Variants in RAPGEF4 observed in about 807,000 individuals in gnomAD.
The protein encoded by RAPGEF4 is RAP guanine-nucleotide-exchange factor (GEF) 4.
Under a neutral mutation model 147.9 loss-of-function variants are expected in RAPGEF4, and 66 were observed. The observed-to-expected ratio is 0.45, with a 90% CI of 0.37 to 0.55. RAPGEF4 has a LOEUF of 0.55. Among genes scored for constraint, RAPGEF4 ranks in the 20% least tolerant of loss-of-function variants. RAPGEF4 has a pLI of 0.00. For missense variants in RAPGEF4, 1,071 were observed against 1,257.3 expected (o/e 0.85, Z 2.24); for synonymous variants, 419 against 442.7 (o/e 0.95, Z 0.67).
At chr2:173,002,009 A>AAAAAAAAAAAAAAAAAAAAAAAAC (rs1693980129) in intron 17 of RAPGEF4, among the ~76,000 whole-genome samples, 2 of 150,872 alleles carry the variant, frequency 1.3e-5, no homozygotes, top group Non-Finnish European at 3.0e-5. Flanking sequence ...AAAAAAAAAA[A>AAAAAAAAAAAAAAAAAAAAAAAAC]AAAAAATCCA....
intron 1 of RAPGEF4, among the ~76,000 whole-genome samples, chr2:172,772,835 C>G (rs1683765444): frequency 6.6e-6 from 1 of 152,184 alleles, no homozygotes; most frequent in Non-Finnish European, 1.5e-5. Context: ...CCTTATCAAA[C>G]TTTTGTGCTC....
At chr2:172,980,029 A>T (rs995411291) in intron 10 of RAPGEF4, among the ~76,000 whole-genome samples, 2 of 152,246 alleles carry the variant, frequency 1.3e-5, no homozygotes, top group Non-Finnish European at 2.9e-5. Context: ...CACTTAGGAA[A>T]GATGACATTG....
chr2:173,009,814 A>G (rs766528911), intron 17 of RAPGEF4, among the ~76,000 whole-genome samples: 3 of 152,172 alleles, frequency 2.0e-5, no homozygotes, highest in Admixed American at 1.3e-4. Flanking sequence ...TCAGATTATG[A>G]AGGCTGTAAT....
intron 22 of RAPGEF4, among the ~76,000 whole-genome samples, chr2:173,020,225 G>A (rs1695940378): frequency 6.6e-6 from 1 of 152,176 alleles, no homozygotes; most frequent in Non-Finnish European, 1.5e-5. Context: ...AAAATCATGT[G>A]AGGTCTCAGA....
At chr2:172,953,411 CTG>C (rs933012215) in intron 6 of RAPGEF4, among the ~76,000 whole-genome samples, 10 of 147,690 alleles carry the variant, frequency 6.8e-5, no homozygotes, top group South Asian at 2.1e-4. Context: ...TAAAAAATAA[CTG>C]TTATATATTT....
intron 1 of RAPGEF4, among the ~76,000 whole-genome samples, chr2:172,748,533 G>GC: frequency 6.6e-6 from 1 of 152,202 alleles, no homozygotes; most frequent in Non-Finnish European, 1.5e-5. Flanking sequence ...TGGGGAAGCT[G>GC]CCCCCATGAT....
intron 1 of RAPGEF4, among the ~76,000 whole-genome samples, chr2:172,777,961 T>C (rs1205331662): frequency 1.3e-5 from 2 of 152,188 alleles, no homozygotes; most frequent in African/African-American, 2.4e-5. Flanking sequence ...GTGGAAGTTC[T>C]TTCCCTTTTA....
At chr2:172,936,474 A>T (rs1302313166) in intron 6 of RAPGEF4, among the ~76,000 whole-genome samples, 1 of 152,198 alleles carries the variant, frequency 6.6e-6, no homozygotes, top group Non-Finnish European at 1.5e-5. Context: ...TTTACACTGT[A>T]TATATAGTTT....
At chr2:172,736,570 G>C (rs1026812825) in intron 1 of RAPGEF4, among the ~76,000 whole-genome samples, 1 of 152,164 alleles carries the variant, frequency 6.6e-6, no homozygotes, top group Non-Finnish European at 1.5e-5. Context: ...GCAGTCGCTC[G>C]CTCAAGGTCT....
intron 29 of RAPGEF4, among the ~76,000 whole-genome samples, chr2:173,041,114 C>T (rs532684092): frequency 6.6e-6 from 1 of 152,260 alleles, no homozygotes; most frequent in East Asian, 1.9e-4. Flanking sequence ...GAAGCTAATT[C>T]ATTAAGGAAG....
At chr2:172,938,036 A>T (rs1250847252) in intron 6 of RAPGEF4, among the ~76,000 whole-genome samples, 1 of 152,076 alleles carries the variant, frequency 6.6e-6, no homozygotes, top group East Asian at 1.9e-4. Context: ...TCTCGGCTCT[A>T]GTCCCAGAGT....
rs771568100 is a variant in RAPGEF4, at chr2:172,996,562, C to T, written c.1579+8C>T. On this transcript the variant is annotated splice_region_variant and intron_variant, in intron 16 of 30. Transcript: ENST00000397081. ...CTTTAAATGAAGCAACAGGTATACA[C>T]ATAGAACCGTTTGCATGTCCATTAA... 1 of 1,530,820 alleles carries T rather than the reference C, an allele frequency of 6.5e-7. No homozygotes were observed. The highest frequency in any genetic ancestry group is 8.8e-7 in the Non-Finnish European group (1 of 1,132,402). 94.8% of individuals were successfully genotyped at this position (1,530,820 alleles called of 1,614,324 possible).
In RAPGEF4 at chr2:172,965,627, G is replaced by A. The variant is rs578092087; in HGVS notation, c.764G>A (p.Arg255Gln). 51 of 1,614,058 alleles carry A rather than the reference G, an allele frequency of 3.2e-5. No homozygotes were observed. The highest frequency in any genetic ancestry group is 6.7e-5 in the African/African-American group (5 of 75,012). ...MMQQTPCVHS[R>Q]TQAVGMWQVL... is the part of the protein sequence containing the mutation. ...CAGCAGACACCATGTGTTCACTCCC[G>A]GACTCAAGCTGTTGGCATGTGGCAA... Residue 255 changes from arginine to glutamine, a missense_variant, in exon 9 of 31, where the codon CGG (arginine) becomes CAG (glutamine). By Grantham distance (43) the Arg-to-Gln change is conservative. Transcript: ENST00000397081.
intron 17 of RAPGEF4, among the ~76,000 whole-genome samples, chr2:173,014,009 G>A (rs1049777774): frequency 2.0e-5 from 3 of 152,154 alleles, no homozygotes; most frequent in African/African-American, 7.2e-5. Flanking sequence ...TAGATGCCCT[G>A]CTGGGCATTC....
chr2:172,783,002 C>T (rs1370335945), intron 1 of RAPGEF4, among the ~76,000 whole-genome samples: 3 of 152,190 alleles, frequency 2.0e-5, no homozygotes, highest in African/African-American at 7.2e-5. Context: ...CAAGGCTGTA[C>T]TTCGATTTCA....
At chr2:172,742,586 A>G (rs180943023) in intron 1 of RAPGEF4, among the ~76,000 whole-genome samples, 1 of 152,322 alleles carries the variant, frequency 6.6e-6, no homozygotes, top group East Asian at 1.9e-4. Context: ...TATTGTTTTT[A>G]AAGTTTAATG....
intron 20 of RAPGEF4, 50 bp downstream of exon 20, chr2:173,017,254 T>A (rs2105900967): frequency 6.4e-7 from 1 of 1,572,954 alleles, no homozygotes; most frequent in East Asian, 2.2e-5. Flanking sequence ...AGAATTACAA[T>A]TCCCCAGAAA....
At chr2:172,774,355 C>T (rs1425151089) in intron 1 of RAPGEF4, among the ~76,000 whole-genome samples, 1 of 152,212 alleles carries the variant, frequency 6.6e-6, no homozygotes, top group East Asian at 1.9e-4. Flanking sequence ...CTGTGCCTGA[C>T]TGGCTGGCAT....
At chr2:172,937,253 G>T (rs991890615) in intron 6 of RAPGEF4, among the ~76,000 whole-genome samples, 3 of 151,758 alleles carry the variant, frequency 2.0e-5, no homozygotes, top group South Asian at 2.1e-4. Flanking sequence ...AGTTTATTTA[G>T]ATTTCCCTCA....
Sources: allele counts gnomAD v4.1 joint callset (sites outside exome capture counted in the v4.1 genomes callset), GRCh38; gene constraint gnomAD v4.1.1; transcripts MANE v1.5; gene names NCBI Gene and HGNC (gene_info 2026-07-23, HGNC 2026-07-21).